The following HIPK2 variants were observed in gnomAD, a reference collection of about 807,000 sequenced individuals.
The protein encoded by HIPK2 is homeodomain-interacting protein kinase 2.
Under a neutral mutation model 113.7 loss-of-function variants are expected in HIPK2, and 27 were observed. The observed-to-expected ratio is 0.24, with a 90% CI of 0.17 to 0.33. HIPK2 has a LOEUF of 0.33. Ranked by LOEUF, HIPK2 falls within the 10% of genes least tolerant of loss-of-function variation. The pLI is 1.00. For missense variants in HIPK2, 1,257 were observed against 1,588.0 expected, an observed-to-expected ratio of 0.79 and a Z score of 3.54; for synonymous variants, 631 against 642.2, an observed-to-expected ratio of 0.98 and a Z score of 0.26.
At chr7:139,581,125 C>G (rs927644973) in intron 13 of HIPK2, among the ~76,000 whole-genome samples, 1 of 152,184 alleles carries the variant, frequency 6.6e-6, no homozygotes, top group Non-Finnish European at 1.5e-5. Flanking sequence ...GAGGCTGAGA[C>G]AGCAGAATTG....
intron 1 of HIPK2, among the ~76,000 whole-genome samples, chr7:139,739,667 A>G (rs1338451096): frequency 1.3e-5 from 2 of 151,794 alleles, no homozygotes; most frequent in Non-Finnish European, 2.9e-5. Context: ...AAATATTATC[A>G]TCACTCTGAT....
chr7:139,658,504 C>T (rs1801752796), intron 2 of HIPK2, among the ~76,000 whole-genome samples: 2 of 152,204 alleles, frequency 1.3e-5, no homozygotes, highest in South Asian at 2.1e-4. Context: ...AAAGTGACTT[C>T]ATGAGAAGTA....
At chr7:139,665,380 C>T (rs1802014354) in intron 2 of HIPK2, among the ~76,000 whole-genome samples, 1 of 152,122 alleles carries the variant, frequency 6.6e-6, no homozygotes, top group African/African-American at 2.4e-5. Context: ...ATTAGGGATC[C>T]CAACCCTTCT....
At chr7:139,674,477 G>A (rs1202789739) in intron 2 of HIPK2, among the ~76,000 whole-genome samples, 1 of 152,218 alleles carries the variant, frequency 6.6e-6, no homozygotes, top group East Asian at 1.9e-4. Flanking sequence ...GCCTGAAAGA[G>A]CAAGGTTTTA....
At chr7:139,668,126 C>CAAAAAAAAA (rs35566561) in intron 2 of HIPK2, among the ~76,000 whole-genome samples, 1 of 55,660 alleles carries the variant, frequency 1.8e-5, no homozygotes, top group Non-Finnish European at 3.7e-5. Flanking sequence ...AACTCCATCT[C>CAAAAAAAAA]AAAAAAAAAA....
intron 2 of HIPK2, among the ~76,000 whole-genome samples, chr7:139,671,260 C>T (rs1302667409): frequency 6.6e-6 from 1 of 151,732 alleles, no homozygotes; most frequent in Admixed American, 6.6e-5. Flanking sequence ...GCATGTCAAA[C>T]AATAATAGAA....
chr7:139,727,935 A>ATTTT (rs10524758), intron 1 of HIPK2, among the ~76,000 whole-genome samples: 40 of 116,682 alleles, frequency 3.4e-4, no homozygotes, highest in African/African-American at 1.2e-3. Flanking sequence ...GCATTGGCTA[A>ATTTT]TTTTTTTTTT....
chr7:139,580,374 A>G (rs1012218530), intron 13 of HIPK2, among the ~76,000 whole-genome samples: 1 of 152,208 alleles, frequency 6.6e-6, no homozygotes, highest in Non-Finnish European at 1.5e-5. Context: ...GAGCTTGCCA[A>G]GCTCTCAGAG....
At position 139,567,902 on chromosome 7, in the gene HIPK2, C is replaced by A. The variant is rs75657627; in HGVS notation, c.*5025G>T. On this transcript the variant is annotated 3_prime_UTR_variant, in exon 15 of 15. Coordinates refer to ENST00000406875, the MANE Select transcript of HIPK2 (RefSeq NM_022740.5). ...TGCCCTCAGCATCAGACAAAGAGAACCTGGGACAAAAGCTGGGGCGAGCTG... is the reference window on the plus strand; with the variant it reads ...TGCCCTCAGCATCAGACAAAGAGAAACTGGGACAAAAGCTGGGGCGAGCTG... 0.037 allele frequency: 5,586 copies of A among 152,410 alleles called. 191 individuals carry two copies. The highest frequency in any genetic ancestry group is 0.11 in the Admixed American group (1,647 of 15,302). 9.4% of individuals were successfully genotyped at this position (152,410 alleles called of 1,614,324 possible). A position where few individuals can be genotyped will look rare whatever the true frequency, so the allele number is the denominator to read the frequency against.
chr7:139,677,215 A>G (rs1047946769), intron 2 of HIPK2, among the ~76,000 whole-genome samples: 1 of 150,820 alleles, frequency 6.6e-6, no homozygotes, highest in African/African-American at 2.5e-5. Flanking sequence ...GTGTGTATGT[A>G]GAGAGAGAGG....
rs1370747572 is a variant in HIPK2, at chr7:139,569,750, T to C, written c.*3177A>G. 1.3e-5 allele frequency: 2 copies of C among 152,138 alleles called. No homozygotes were observed. Among genetic ancestry groups the C allele is most frequent in the African/African-American group, 4.8e-5 (2 of 41,418 alleles). The allele number at this position is 152,138 out of a possible 1,614,324, so 9.4% of individuals were successfully genotyped here. On this transcript the variant is annotated 3_prime_UTR_variant, in exon 15 of 15. Transcript: ENST00000406875. ...CTTCCTAAGTCTTTCCTTTTTTTTT[T>C]TGCCTGACAAAACTGGACATCTGGA...
At chr7:139,662,456 C>T (rs1459456215) in intron 2 of HIPK2, among the ~76,000 whole-genome samples, 1 of 152,124 alleles carries the variant, frequency 6.6e-6, no homozygotes, top group East Asian at 1.9e-4. Context: ...TCTATCGTTG[C>T]TTATAAACCA....
chr7:139,723,345 C>T (rs1795473019), intron 1 of HIPK2, among the ~76,000 whole-genome samples: 1 of 152,046 alleles, frequency 6.6e-6, no homozygotes, highest in Non-Finnish European at 1.5e-5. Context: ...AGACGTGCGC[C>T]ACCACGCCCA....
intron 1 of HIPK2, 101 bp from the exon 2 acceptor site, chr7:139,717,116 G>T (rs931764136): frequency 2.8e-5 from 39 of 1,369,302 alleles, no homozygotes; most frequent in Middle Eastern, 1.9e-4. Flanking sequence ...GGGCCATACA[G>T]AATATATTCC....
At position 139,657,194 on chromosome 7, in the gene HIPK2, T is replaced by C. The variant is rs887910434; in HGVS notation, c.1104-25469A>G. On this transcript the variant is annotated intron_variant, in intron 2 of 14. Coordinates refer to ENST00000406875, the MANE Select transcript of HIPK2 (RefSeq NM_022740.5). Reference sequence around the variant, plus strand: ...CTTGCCAGTTCTACGTCCACTTCTATTAGCAGTCCCCCGACAGCTCACCCA... The same window carrying C: ...CTTGCCAGTTCTACGTCCACTTCTACTAGCAGTCCCCCGACAGCTCACCCA... Among the ~76,000 whole-genome samples the C allele has an allele frequency of 2.6e-5, 4 of 152,152 alleles. No individual in the cohort carries two copies. In the South Asian group the frequency reaches 8.3e-4, roughly 32 times the overall value.
At chr7:139,627,243 C>T (rs1800463659) in intron 5 of HIPK2, among the ~76,000 whole-genome samples, 1 of 151,842 alleles carries the variant, frequency 6.6e-6, no homozygotes, top group Non-Finnish European at 1.5e-5. Flanking sequence ...GTGTGTTTGC[C>T]ACAATTTTTA....
At chr7:139,755,844 T>C (rs555534767) in intron 1 of HIPK2, among the ~76,000 whole-genome samples, 1 of 152,394 alleles carries the variant, frequency 6.6e-6, no homozygotes, top group African/African-American at 2.4e-5. Flanking sequence ...AGCCATTGAT[T>C]CGAGTTGCAC....
chr7:139,750,838 A>C (rs1478019675), intron 1 of HIPK2, among the ~76,000 whole-genome samples: 1 of 152,212 alleles, frequency 6.6e-6, no homozygotes, highest in African/African-American at 2.4e-5. Context: ...GAACTAAAAA[A>C]ATCTTTGCTC....
intron 9 of HIPK2, among the ~76,000 whole-genome samples, chr7:139,610,058 T>C (rs1799760843): frequency 6.6e-6 from 1 of 152,198 alleles, no homozygotes; most frequent in African/African-American, 2.4e-5. Context: ...TTAAATCTAC[T>C]TGGAGATTTA....
Sources: gnomAD v4.1 joint callset for allele counts (sites outside exome capture counted in the v4.1 genomes callset) on GRCh38, gnomAD v4.1.1 for gene constraint, MANE v1.5 for transcripts, NCBI Gene and HGNC (gene_info 2026-07-23, HGNC 2026-07-21) for gene names.